The following CPSF3 variants were observed in gnomAD, a reference collection of about 807,000 sequenced individuals.
CPSF3 encodes the protein cleavage and polyadenylation specific factor 3.
CPSF3 carries 57 observed loss-of-function variants against 84.1 expected under a neutral mutation model. The observed-to-expected ratio is 0.68, with a 90% CI of 0.55 to 0.85. The LOEUF (loss-of-function observed/expected upper bound fraction) is 0.85, where lower values mean the gene tolerates loss of function less well. CPSF3 is among the 40% of genes least tolerant of loss of function. CPSF3 has a pLI of 0.00. For synonymous variants in CPSF3, 275 were observed against 278.1 expected (o/e 0.99, Z 0.11); for missense variants, 522 against 838.8 (o/e 0.62, Z 4.66).
Position 9,473,095 on chromosome 2 carries a change from TG to T in CPSF3, c.*83del. The T allele has an allele frequency of 1.0e-6, 1 of 969,178 alleles. No individual in the cohort carries two copies. Among genetic ancestry groups the T allele is most frequent in the Non-Finnish European group, 1.6e-6 (1 of 632,742 alleles). The allele number at this position is 969,178 out of a possible 1,614,324, so 60.0% of individuals were successfully genotyped here. A position where few individuals can be genotyped will look rare whatever the true frequency, so the allele number is the denominator to read the frequency against. Reference sequence around the variant, plus strand: ...CTAAAATAAAATGCATTCGTTTCTCTGGGGGAGCCTGTTTACTTTTAATGTC... The same window carrying T: ...CTAAAATAAAATGCATTCGTTTCTCTGGGGAGCCTGTTTACTTTTAATGTC... On this transcript the variant is annotated 3_prime_UTR_variant, in exon 18 of 18. Coordinates refer to ENST00000238112, the MANE Select transcript of CPSF3 (RefSeq NM_016207.4).
At chr2:9,433,232 T>C (rs1248316796) in intron 5 of CPSF3, among the ~76,000 whole-genome samples, 1 of 152,192 alleles carries the variant, frequency 6.6e-6, no homozygotes, top group Non-Finnish European at 1.5e-5. Context: ...AAGACTCACT[T>C]AGGGAGCTGC....
intron 7 of CPSF3, among the ~76,000 whole-genome samples, chr2:9,439,429 C>T (rs1680893502): frequency 6.7e-6 from 1 of 149,328 alleles, no homozygotes; most frequent in African/African-American, 2.5e-5. Flanking sequence ...GCGGAGATCG[C>T]GCCACTGCAC....
At position 9,451,701 on chromosome 2, in the gene CPSF3, A is replaced by C. The variant is rs947720927; in HGVS notation, c.1396-1212A>C. ...TGACAGAGCAAGACTGTCTCAGAAAAATAAATAAATGAAACTTTTTTTTTT... is the reference window on the plus strand; with the variant it reads ...TGACAGAGCAAGACTGTCTCAGAAACATAAATAAATGAAACTTTTTTTTTT... On this transcript the variant is annotated intron_variant, in intron 11 of 17. Coordinates refer to ENST00000238112, the MANE Select transcript of CPSF3 (RefSeq NM_016207.4). 3.3e-5 allele frequency among the ~76,000 whole-genome samples: 5 copies of C among 150,964 alleles called. No individual in the cohort carries two copies. The Admixed American group carries it at 3.3e-4, about 10-fold the overall frequency.
At position 9,451,915 on chromosome 2, in the gene CPSF3, A is replaced by G. The variant is rs552079115; in HGVS notation, c.1396-998A>G. 6.6e-5 allele frequency among the ~76,000 whole-genome samples: 10 copies of G among 152,038 alleles called. No individual in the cohort carries two copies. In the East Asian group the frequency reaches 2.0e-3, roughly 30 times the overall value. ...GTATTTTTAGTAGAGACGGGGTTTC[A>G]TTATATTGGCCAGGATGGTCTCAAT... On this transcript the variant is annotated intron_variant, in intron 11 of 17. Transcript: ENST00000238112.
At chr2:9,464,633 G>T (rs984540360) in intron 15 of CPSF3, among the ~76,000 whole-genome samples, 2 of 151,530 alleles carry the variant, frequency 1.3e-5, no homozygotes, top group Non-Finnish European at 1.5e-5. Context: ...TCACTGTGTC[G>T]CAGACTTGAG....
In CPSF3 at chr2:9,455,713, C is replaced by CT; in HGVS notation, c.1560dup (p.Gly521TrpfsTer4). The CT allele has an allele frequency of 6.2e-7, 1 of 1,614,080 alleles. No individual in the cohort carries two copies. Among genetic ancestry groups the CT allele is most frequent in the Non-Finnish European group, 8.5e-7 (1 of 1,179,968 alleles). ...AAGCAGACCCAAGCCATTCCATATA[C>CT]TGGTCCCTTTAATTTGCTCTGTTAC... On this transcript the variant is annotated frameshift_variant, in exon 13 of 18. Coordinates refer to ENST00000238112, the MANE Select transcript of CPSF3 (RefSeq NM_016207.4). LOFTEE classifies it high-confidence loss of function.
chr2:9,425,829 T>C (rs1047296562), intron 1 of CPSF3, among the ~76,000 whole-genome samples: 6 of 152,234 alleles, frequency 3.9e-5, no homozygotes, highest in African/African-American at 1.4e-4. Context: ...CATAGAGTTA[T>C]ACAACCATCA....
intron 6 of CPSF3, among the ~76,000 whole-genome samples, chr2:9,434,325 C>T (rs924052656): frequency 5.9e-5 from 9 of 151,638 alleles, no homozygotes; most frequent in African/African-American, 1.9e-4. Context: ...GCCAAGATCA[C>T]GCTGCTGCAC....
chr2:9,470,527 G>A (rs140950968), intron 16 of CPSF3, among the ~76,000 whole-genome samples: 4 of 152,308 alleles, frequency 2.6e-5, no homozygotes, highest in African/African-American at 7.2e-5. Flanking sequence ...TGTTTCTCTC[G>A]ATGACAGAGG....
chr2:9,440,446 C>T lies in CPSF3; in HGVS notation c.761-45C>T. 4 of 1,517,634 alleles carry T rather than the reference C, an allele frequency of 2.6e-6. No homozygotes were observed. The South Asian group carries it at 3.5e-5, about 13-fold the overall frequency. The allele number at this position is 1,517,634 out of a possible 1,614,324, so 94.0% of individuals were successfully genotyped here. A position where few individuals can be genotyped will look rare whatever the true frequency, so the allele number is the denominator to read the frequency against. ...TATCATTTGTTATTTGAACTGTTTA[C>T]CCCATCTAACAAAGTGATGTTTGTT... On this transcript the variant is annotated intron_variant, in intron 7 of 17. Transcript: ENST00000238112.
At chr2:9,442,713 G>A (rs11683637) in intron 9 of CPSF3, among the ~76,000 whole-genome samples, 24,480 of 152,040 alleles carry the variant, frequency 0.16, 2,175 homozygotes, top group Middle Eastern at 0.28. Context: ...TTAGCTGGGC[G>A]TGGTGGCGTA....
rs543727439 is a variant in CPSF3, at chr2:9,459,638, C to CTTTTTTTTTTTTTTTT, written c.1786+33_1786+48dup. 3.2e-5 allele frequency: 9 copies of CTTTTTTTTTTTTTTTT among 278,992 alleles called. 1 individual carries two copies. The African/African-American group carries it at 3.9e-4, about 12-fold the overall frequency. The allele number at this position is 278,992 out of a possible 1,614,324, so 17.3% of individuals were successfully genotyped here. On this transcript the variant is annotated intron_variant, in intron 15 of 17. Transcript: ENST00000238112. ...GAAAAGGTAAGAGTTCATTTTTATC[C>CTTTTTTTTTTTTTTTT]TTTTTTTTTTTTTTTTTTTTTTTTT...
Position 9,436,628 on chromosome 2 carries a change from C to T in CPSF3, c.760+267C>T, listed in dbSNP as rs184695540. Among the ~76,000 whole-genome samples the T allele has an allele frequency of 1.0e-3, 153 of 151,984 alleles. 2 individuals are homozygous for T. In the South Asian group the frequency reaches 0.024, roughly 24 times the overall value. On this transcript the variant is annotated intron_variant, in intron 7 of 17. Coordinates refer to ENST00000238112, the MANE Select transcript of CPSF3 (RefSeq NM_016207.4). ...CTCTACTAAAAATACAAAAATTAGC[C>T]GGGCACAGTGACAGATGCCTGTAAT...
chr2:9,466,326 AGACGCACGCACACACG>A (rs751896795), intron 15 of CPSF3, among the ~76,000 whole-genome samples: 2 of 67,476 alleles, frequency 3.0e-5, no homozygotes, highest in African/African-American at 9.1e-5. Context: ...GCACGCACAC[AGACGCACGCACACACG>A]CGCGCGCGCG....
intron 9 of CPSF3, among the ~76,000 whole-genome samples, chr2:9,442,262 C>A (rs531525426): frequency 6.6e-6 from 1 of 152,160 alleles, no homozygotes; most frequent in Admixed American, 6.5e-5. Flanking sequence ...GAGACAAACA[C>A]GTGAATACTC....
intron 14 of CPSF3, 120 bp downstream of exon 14, chr2:9,457,147 ATGTGTGTGTGTGTGTGTGTGTGTG>A (rs70948817): frequency 2.7e-5 from 9 of 334,034 alleles, no homozygotes; most frequent in Middle Eastern, 8.1e-4. Context: ...TGGAAAGTAT[ATGTGTGTGTGTGTGTGTGTGTGTG>A]TGTGTGTGTG....
chr2:9,445,107 A>C (rs937358259), intron 10 of CPSF3, among the ~76,000 whole-genome samples: 1 of 152,194 alleles, frequency 6.6e-6, no homozygotes, highest in Non-Finnish European at 1.5e-5. Flanking sequence ...GTCTATTTTC[A>C]CAGCTTTTCA....
At chr2:9,470,170 C>T (rs995388836) in intron 16 of CPSF3, among the ~76,000 whole-genome samples, 4 of 152,082 alleles carry the variant, frequency 2.6e-5, no homozygotes, top group Non-Finnish European at 2.9e-5. Context: ...TGCAGTGGGC[C>T]GAGATCGGGA....
intron 6 of CPSF3, 120 bp from the exon 7 acceptor site, chr2:9,436,091 G>A (rs1680771148): frequency 7.3e-6 from 6 of 827,176 alleles, no homozygotes; most frequent in African/African-American, 1.7e-5. Context: ...ACATGTTCGA[G>A]TAAATGACAT....
Sources: allele counts gnomAD v4.1 joint callset (sites outside exome capture counted in the v4.1 genomes callset), GRCh38; gene constraint gnomAD v4.1.1; transcripts MANE v1.5; gene names NCBI Gene and HGNC (gene_info 2026-07-23, HGNC 2026-07-21).